CDH13: variants seen among roughly 807,000 people sequenced by gnomAD.
CDH13 encodes the protein cadherin-13.
A neutral mutation model predicts 63.8 loss-of-function variants in CDH13; 24 were observed. The observed-to-expected ratio is 0.38, with a 90% CI of 0.27 to 0.53. The LOEUF (loss-of-function observed/expected upper bound fraction) is 0.53. Ranked by LOEUF, CDH13 falls within the 20% of genes least tolerant of loss-of-function variation. The pLI is 0.85. For missense variants in CDH13, 1,049 were observed against 903.1 expected (o/e 1.16, Z -2.07); for synonymous variants, 503 against 355.3 (o/e 1.42, Z -4.67).
intron 3 of CDH13, among the ~76,000 whole-genome samples, chr16:83,110,458 G>A (rs1233941938): frequency 6.6e-6 from 1 of 152,202 alleles, no homozygotes; most frequent in South Asian, 2.1e-4. Context: ...GAAAGTTCCC[G>A]AAGGGGTGCC....
At chr16:83,335,996 A>C (rs949555231) in intron 5 of CDH13, among the ~76,000 whole-genome samples, 1 of 152,002 alleles carries the variant, frequency 6.6e-6, no homozygotes, top group Non-Finnish European at 1.5e-5. Flanking sequence ...CCCTACAGCT[A>C]TATTCTATTA....
chr16:83,004,263 T>C (rs1913245213), intron 2 of CDH13, among the ~76,000 whole-genome samples: 1 of 152,122 alleles, frequency 6.6e-6, no homozygotes, highest in Non-Finnish European at 1.5e-5. Flanking sequence ...GAAAGGGTCA[T>C]AGAATGCTGC....
At chr16:83,650,789 C>T (rs763066643) in intron 8 of CDH13, among the ~76,000 whole-genome samples, 2 of 152,146 alleles carry the variant, frequency 1.3e-5, no homozygotes, top group Admixed American at 1.3e-4. Flanking sequence ...AAAGAAAAAG[C>T]AGGGTGGATT....
At chr16:82,719,059 C>T (rs1001256164) in intron 1 of CDH13, among the ~76,000 whole-genome samples, 1 of 152,062 alleles carries the variant, frequency 6.6e-6, no homozygotes, top group African/African-American at 2.4e-5. Flanking sequence ...TATCTCTTTC[C>T]CTGGGTGGTT....
intron 2 of CDH13, among the ~76,000 whole-genome samples, chr16:82,908,688 C>T (rs1293727381): frequency 6.6e-6 from 1 of 152,166 alleles, no homozygotes; most frequent in Admixed American, 6.5e-5. Flanking sequence ...TAGGTACATA[C>T]AATCACCCCT....
chr16:82,628,877 C>T (rs1302008517), intron 1 of CDH13, among the ~76,000 whole-genome samples: 2 of 152,244 alleles, frequency 1.3e-5, no homozygotes, highest in Non-Finnish European at 1.5e-5. Flanking sequence ...TGTTTAACCT[C>T]TTTGAGCTTC....
rs536637564 is a variant in CDH13 at position 83,689,822 on chromosome 16, C to T, written c.1538+11361C>T. On this transcript the variant is annotated intron_variant, in intron 10 of 13. Coordinates refer to ENST00000567109, the MANE Select transcript of CDH13 (RefSeq NM_001257.5). Reference sequence around the variant, plus strand: ...CGGAAAACCTCTCTCTCCATTCATTCATCCCACACCTGCAACATACTGGGT... The same window carrying T: ...CGGAAAACCTCTCTCTCCATTCATTTATCCCACACCTGCAACATACTGGGT... 2.0e-5 allele frequency among the ~76,000 whole-genome samples: 3 copies of T among 152,328 alleles called. No homozygotes were observed. The South Asian group carries it at 6.2e-4, about 32-fold the overall frequency.
intron 4 of CDH13, among the ~76,000 whole-genome samples, chr16:83,178,423 C>G (rs934180908): frequency 6.6e-6 from 1 of 152,144 alleles, no homozygotes; most frequent in East Asian, 1.9e-4. Flanking sequence ...GTCTAAGATT[C>G]TTCTTGGGAC....
chr16:82,683,156 A>C lies in CDH13; in HGVS notation c.45+56019A>C, dbSNP rs553719734. Among the ~76,000 whole-genome samples the C allele has an allele frequency of 4.3e-4, 65 of 152,334 alleles. No individual in the cohort carries two copies. In the South Asian group the frequency reaches 4.3e-3, roughly 10 times the overall value. On this transcript the variant is annotated intron_variant, in intron 1 of 13. Coordinates refer to ENST00000567109, the MANE Select transcript of CDH13 (RefSeq NM_001257.5). Reference sequence around the variant, plus strand: ...TCTGCAGGAAAATAAGTCGTAGATCAGAAGATGTCGCCCTGGTGTGGTCTT... The same window carrying C: ...TCTGCAGGAAAATAAGTCGTAGATCCGAAGATGTCGCCCTGGTGTGGTCTT...
chr16:82,710,781 A>G (rs1313659002), intron 1 of CDH13, among the ~76,000 whole-genome samples: 2 of 148,238 alleles, frequency 1.3e-5, no homozygotes, highest in African/African-American at 4.9e-5. Flanking sequence ...AAGTATATTT[A>G]TATACAAATA....
chr16:83,364,157 C>G (rs2091215232), intron 6 of CDH13, among the ~76,000 whole-genome samples: 1 of 152,182 alleles, frequency 6.6e-6, no homozygotes, highest in Non-Finnish European at 1.5e-5. Flanking sequence ...GGGGACCAAG[C>G]ATCCATCTAG....
At chr16:83,570,604 G>A (rs184381719) in intron 7 of CDH13, among the ~76,000 whole-genome samples, 8 of 151,406 alleles carry the variant, frequency 5.3e-5, no homozygotes, top group African/African-American at 9.7e-5. Context: ...TGGAAAAGAC[G>A]GCTGGGGAGC....
At chr16:82,784,849 C>T (rs1336543642) in intron 1 of CDH13, among the ~76,000 whole-genome samples, 1 of 152,156 alleles carries the variant, frequency 6.6e-6, no homozygotes, top group Admixed American at 6.5e-5. Flanking sequence ...AGTCCTTAGG[C>T]AGAAAATAAT....
At chr16:83,080,963 C>G (rs757796380) in intron 3 of CDH13, among the ~76,000 whole-genome samples, 14 of 133,962 alleles carry the variant, frequency 1.0e-4, no homozygotes, top group Non-Finnish European at 2.2e-4. Flanking sequence ...CTCACCGCAA[C>G]CTCTGCCTCC....
At chr16:83,102,849 G>C (rs62036565) in intron 3 of CDH13, among the ~76,000 whole-genome samples, 85,813 of 149,838 alleles carry the variant, frequency 0.57, 24,935 homozygotes, top group East Asian at 0.73. Context: ...AAGGGTAAAT[G>C]TGATACATGT....
At chr16:83,655,748 G>T (rs1390215582) in intron 8 of CDH13, among the ~76,000 whole-genome samples, 1 of 152,218 alleles carries the variant, frequency 6.6e-6, no homozygotes, top group African/African-American at 2.4e-5. Flanking sequence ...CCAGAATCGA[G>T]CCTGGCATGT....
chr16:83,445,770 G>T (rs2072668932), intron 6 of CDH13, among the ~76,000 whole-genome samples: 1 of 152,092 alleles, frequency 6.6e-6, no homozygotes, highest in South Asian at 2.1e-4. Context: ...TCTAAAACTT[G>T]TCCTAAGGTA....
At chr16:83,510,997 G>A (rs2151603163) in intron 7 of CDH13, among the ~76,000 whole-genome samples, 1 of 152,314 alleles carries the variant, frequency 6.6e-6, no homozygotes, top group East Asian at 1.9e-4. Flanking sequence ...TGCACACATT[G>A]GTATTACCAT....
At chr16:83,354,421 A>G (rs2091014982) in intron 6 of CDH13, among the ~76,000 whole-genome samples, 2 of 152,202 alleles carry the variant, frequency 1.3e-5, no homozygotes, top group South Asian at 4.1e-4. Flanking sequence ...TATGAGTCAG[A>G]TAATATTATA....
Sources: allele counts gnomAD v4.1 joint callset (sites outside exome capture counted in the v4.1 genomes callset), GRCh38; gene constraint gnomAD v4.1.1; transcripts MANE v1.5; gene names NCBI Gene and HGNC (gene_info 2026-07-23, HGNC 2026-07-21).